Variants in C15orf40 observed in about 807,000 individuals in gnomAD.
C15orf40 encodes the protein UPF0235 protein C15orf40.
A neutral mutation model predicts 13.9 loss-of-function variants in C15orf40; 9 were observed. The observed-to-expected ratio is 0.65, with a 90% confidence interval of 0.39 to 1.13. The LOEUF is 1.13. Among genes scored for constraint, C15orf40 ranks in the 50% most tolerant of loss-of-function variants. C15orf40 has a pLI of 0.01. For synonymous variants in C15orf40, 95 were observed against 69.2 expected, an observed-to-expected ratio of 1.37 and a Z score of -1.85; for missense variants, 225 against 188.5, an observed-to-expected ratio of 1.19 and a Z score of -1.13.
At chr15:83,007,636 A>C (rs952811996) in intron 3 of C15orf40, among the ~76,000 whole-genome samples, 1 of 152,232 alleles carries the variant, frequency 6.6e-6, no homozygotes, top group Non-Finnish European at 1.5e-5. Flanking sequence ...CACGTTTGTA[A>C]TCCCAGCACT....
At chr15:82,989,177 C>T (rs375351356), downstream of C15orf40, 9 of 1,612,396 alleles carry the variant, frequency 5.6e-6, no homozygotes, top group African/African-American at 1.2e-4. Flanking sequence ...ACCAAAGAAA[C>T]AGAGGCAATC....
chr15:83,004,118 T>A lies in C15orf40; in HGVS notation c.*1479A>T, dbSNP rs1199791375. On this transcript the variant is annotated 3_prime_UTR_variant, in exon 4 of 4. Transcript: ENST00000304177. The stretch of plus-strand genomic sequence containing the variant: ...TATATATATCTATGTATAAAATCTA[T>A]CTATGTATATCTATCTATCTATAAA... The A allele has an allele frequency of 1.3e-5, 2 of 152,330 alleles. No individual in the cohort carries two copies. Among genetic ancestry groups the A allele is most frequent in the African/African-American group, 4.8e-5 (2 of 41,382 alleles). 9.4% of individuals were successfully genotyped at this position (152,330 alleles called of 1,614,324 possible). A position where few individuals can be genotyped will look rare whatever the true frequency, so the allele number is the denominator to read the frequency against.
rs950819879 is a variant in C15orf40 at position 82,997,032 on chromosome 15, A to T, written c.*8565T>A. 3.4e-5 allele frequency: 5 copies of T among 147,378 alleles called. No homozygotes were observed. The highest frequency in any genetic ancestry group is 3.6e-3 in the Middle Eastern group (1 of 280). 9.1% of individuals were successfully genotyped at this position (147,378 alleles called of 1,614,324 possible). A position where few individuals can be genotyped will look rare whatever the true frequency, so the allele number is the denominator to read the frequency against. On this transcript the variant is annotated 3_prime_UTR_variant, in exon 4 of 4. Coordinates refer to ENST00000304177, the MANE Select transcript of C15orf40 (RefSeq NM_144597.3). ...AAACTTCGTCTCAAATAATAATAATAATAATAATAATTATTATTATTATTT... is the reference window on the plus strand; with the variant it reads ...AAACTTCGTCTCAAATAATAATAATTATAATAATAATTATTATTATTATTT...
chr15:83,001,315 T>A lies in C15orf40; in HGVS notation c.*4282A>T. On this transcript the variant is annotated 3_prime_UTR_variant, in exon 4 of 4. Transcript: ENST00000304177. ...AAACCACCTAGCAGTGTCTGTCAAG[T>A]AAGCAACCAAGTTAATAAGTGATTA... 1.0e-6 allele frequency: 1 copy of A among 985,226 alleles called. No individual in the cohort carries two copies. Among genetic ancestry groups the A allele is most frequent in the Non-Finnish European group, 1.2e-6 (1 of 829,688 alleles). The allele number at this position is 985,226 out of a possible 1,614,324, so 61.0% of individuals were successfully genotyped here.
intron 3 of C15orf40, chr15:83,006,322 C>T: frequency 1.1e-6 from 1 of 872,898 alleles, no homozygotes; most frequent in Non-Finnish European, 1.4e-6. Context: ...ATAAATATTG[C>T]AATTTTATAT....
downstream of C15orf40, among the ~76,000 whole-genome samples, chr15:82,994,157 A>G (rs2030963302): frequency 6.6e-6 from 1 of 152,202 alleles, no homozygotes; most frequent in Non-Finnish European, 1.5e-5. Flanking sequence ...TATCCCTTGT[A>G]TTTTATTCAC....
At chr15:82,989,145 T>C (rs770274183), downstream of C15orf40, 1 of 1,613,862 alleles carries the variant, frequency 6.2e-7, no homozygotes, top group Non-Finnish European at 8.5e-7. Flanking sequence ...TGTTGAGGAA[T>C]GGAATAGCAG....
intron 3 of C15orf40, 28 bp downstream of exon 3, chr15:83,008,518 CAA>C (rs373204607): frequency 2.8e-3 from 3,862 of 1,397,198 alleles, no homozygotes; most frequent in East Asian, 5.0e-3. Context: ...GATTTTGTCT[CAA>C]AAAAAAAAAA....
intron 1 of C15orf40, chr15:83,011,192 G>A (rs992818804): frequency 3.2e-6 from 1 of 311,882 alleles, no homozygotes; most frequent in East Asian, 5.3e-5. Flanking sequence ...GCGGGAACAT[G>A]AATTGCTGGA....
downstream of C15orf40, among the ~76,000 whole-genome samples, chr15:82,993,309 T>C (rs919955636): frequency 5.9e-5 from 9 of 152,126 alleles, no homozygotes; most frequent in African/African-American, 2.2e-4. Flanking sequence ...GAGGGAAGTA[T>C]TTGGTAAATT....
rs1443590268 is a variant in C15orf40 at position 83,001,933 on chromosome 15, AG to A, written c.*3663del. On this transcript the variant is annotated 3_prime_UTR_variant, in exon 4 of 4. Coordinates refer to ENST00000304177, the MANE Select transcript of C15orf40 (RefSeq NM_144597.3). Reference sequence around the variant, plus strand: ...TTTTTTGTTGTTGTTATTGAGACAGAGCCTTGCTCTGTCACCCAGGCTGGAG... The same window carrying A: ...TTTTTTGTTGTTGTTATTGAGACAGACCTTGCTCTGTCACCCAGGCTGGAG... The A allele has an allele frequency of 6.6e-6, 1 of 152,286 alleles. No individual in the cohort carries two copies. The highest frequency in any genetic ancestry group is 1.5e-5 in the Non-Finnish European group (1 of 68,130). 9.4% of individuals were successfully genotyped at this position (152,286 alleles called of 1,614,324 possible). A position where few individuals can be genotyped will look rare whatever the true frequency, so the allele number is the denominator to read the frequency against.
At chr15:83,006,188 G>A (rs1198350991) in intron 3 of C15orf40, among the ~76,000 whole-genome samples, 3 of 149,538 alleles carry the variant, frequency 2.0e-5, no homozygotes, top group East Asian at 2.0e-4. Flanking sequence ...CTGAGATCGC[G>A]CCACTGCACT....
At chr15:82,990,029 T>C (rs777954563), downstream of C15orf40, 17 of 1,552,576 alleles carry the variant, frequency 1.1e-5, no homozygotes, top group Admixed American at 2.9e-4. Context: ...ATATGGACAT[T>C]ATGGTTACAA....
Position 82,997,374 on chromosome 15 carries a change from A to G in C15orf40, c.*8223T>C, listed in dbSNP as rs1163315136. 2.1e-5 allele frequency: 3 copies of G among 145,238 alleles called. No individual in the cohort carries two copies. Among genetic ancestry groups the G allele is most frequent in the South Asian group, 2.2e-4 (1 of 4,452 alleles). 9.0% of individuals were successfully genotyped at this position (145,238 alleles called of 1,614,324 possible). On this transcript the variant is annotated 3_prime_UTR_variant, in exon 4 of 4. Coordinates refer to ENST00000304177, the MANE Select transcript of C15orf40 (RefSeq NM_144597.3). ...GCCTTCCGCAGTGTTTGTGTCCCTG[A>G]TTACTTGAGATTAGGGAGTGGTGAT... is the stretch of plus-strand genomic sequence containing the variant.
chr15:83,005,530 C>T lies in C15orf40; in HGVS notation c.*67G>A, dbSNP rs1265492469. 2 of 1,393,424 alleles carry T rather than the reference C, an allele frequency of 1.4e-6. No individual in the cohort carries two copies. Among genetic ancestry groups the T allele is most frequent in the East Asian group, 2.8e-5 (1 of 36,176 alleles). The allele number at this position is 1,393,424 out of a possible 1,614,324, so 86.3% of individuals were successfully genotyped here. ...AACTCCTGACCTCAGGTGATCCGCC[C>T]ACCACGGCCTCCCAAAGTGCTGGGA... is the stretch of plus-strand genomic sequence containing the variant. On this transcript the variant is annotated 3_prime_UTR_variant, in exon 4 of 4. Transcript: ENST00000304177.
intron 1 of C15orf40, chr15:83,010,580 C>A (rs2031950567): frequency 2.0e-6 from 1 of 493,828 alleles, no homozygotes; most frequent in Non-Finnish European, 3.6e-6. Context: ...TGTTTTTTCC[C>A]CCCTTGCAAG....
At chr15:83,007,066 A>G (rs978064725) in intron 3 of C15orf40, among the ~76,000 whole-genome samples, 3 of 152,176 alleles carry the variant, frequency 2.0e-5, no homozygotes, top group Admixed American at 6.5e-5. Flanking sequence ...AAATATAAAC[A>G]TGGCTGGGCC....
chr15:83,008,607 G>C lies in C15orf40; in HGVS notation c.307C>G (p.Leu103Val), dbSNP rs535124808. 1.9e-6 allele frequency: 3 copies of C among 1,614,058 alleles called. No individual in the cohort carries two copies. In the East Asian group the frequency reaches 6.7e-5, roughly 36 times the overall value. The change falls in exon 3 of 4, where the codon CTC becomes GTC. Residue 103 changes from leucine to valine, a missense_variant. Coordinates refer to ENST00000304177, the MANE Select transcript of C15orf40 (RefSeq NM_144597.3). ...PPSEGEANAELCRYLSKVLEL... is the reference protein window; with the variant it reads ...PPSEGEANAEVCRYLSKVLEL... ...AGGACCTTGGAAAGATACCGACAGA[G>C]CTCAGCATTAGCCTCTCCCTCTGAT...
Position 83,001,074 on chromosome 15 carries a change from A to G in C15orf40, c.*4523T>C. 1 of 979,982 alleles carries G rather than the reference A, an allele frequency of 1.0e-6. No individual in the cohort carries two copies. The highest frequency in any genetic ancestry group is 1.2e-6 in the Non-Finnish European group (1 of 824,912). 60.7% of individuals were successfully genotyped at this position (979,982 alleles called of 1,614,324 possible). A position where few individuals can be genotyped will look rare whatever the true frequency, so the allele number is the denominator to read the frequency against. ...GTGATCCACCCGCCTCAGCCTCCCA[A>G]AGTGCTGGGATTACAGGCATAAGCC... On this transcript the variant is annotated 3_prime_UTR_variant, in exon 4 of 4. Coordinates refer to ENST00000304177, the MANE Select transcript of C15orf40 (RefSeq NM_144597.3).
Sources: allele counts gnomAD v4.1 joint callset (sites outside exome capture counted in the v4.1 genomes callset), GRCh38; gene constraint gnomAD v4.1.1; transcripts MANE v1.5; gene names NCBI Gene and HGNC (gene_info 2026-07-23, HGNC 2026-07-21).